H2BC18: variants seen among roughly 807,000 people sequenced by gnomAD.
The protein encoded by H2BC18 is histone H2B type 2-F.
In H2BC18, 8 loss-of-function variants were observed where a neutral mutation model predicts 6.3. That is an observed-to-expected ratio of 1.28 (90% CI 0.75 to 2.31). H2BC18 has a LOEUF of 2.31. Among genes scored for constraint, H2BC18 ranks in the 30% most tolerant of loss-of-function variants. The pLI, the probability that H2BC18 is intolerant of heterozygous loss-of-function variation, is 0.00. For synonymous variants in H2BC18, 104 were observed against 78.1 expected (o/e 1.33, Z -1.75); for missense variants, 106 against 174.5 (o/e 0.61, Z 2.21).
At chr1:149,796,046 T>C (rs1213816674) in intron 1 of H2BC18, among the ~76,000 whole-genome samples, 1 of 151,902 alleles carries the variant, frequency 6.6e-6, no homozygotes, top group Non-Finnish European at 1.5e-5. Flanking sequence ...TCTTTGTTAA[T>C]GCACATTGGC....
chr1:149,785,470 G>A (rs2091522988), intron 1 of H2BC18, among the ~76,000 whole-genome samples: 1 of 127,808 alleles, frequency 7.8e-6, no homozygotes, highest in African/African-American at 2.9e-5. Context: ...AGGCTGGAAT[G>A]CAGTGGTGTG....
chr1:149,805,201 G>T (rs1437365691), intron 1 of H2BC18: 1 of 151,912 alleles, frequency 6.6e-6, no homozygotes, highest in Admixed American at 6.6e-5. Context: ...CCTTGAAAAT[G>T]GTGACAGCAA....
intron 1 of H2BC18, among the ~76,000 whole-genome samples, chr1:149,804,608 C>T (rs2091901432): frequency 6.6e-6 from 1 of 151,756 alleles, no homozygotes; most frequent in Admixed American, 6.6e-5. Context: ...CTAACCATAA[C>T]AATAATAAGA....
intron 1 of H2BC18, among the ~76,000 whole-genome samples, chr1:149,790,656 AC>A (rs1468060097): frequency 8.4e-6 from 1 of 118,670 alleles, no homozygotes; most frequent in East Asian, 2.3e-4. Flanking sequence ...CCACTCCATG[AC>A]CCCCCCTTCT....
At chr1:149,797,770 G>A (rs2091816829) in intron 1 of H2BC18, among the ~76,000 whole-genome samples, 1 of 151,716 alleles carries the variant, frequency 6.6e-6, no homozygotes, top group Non-Finnish European at 1.5e-5. Flanking sequence ...GCTAATTTTT[G>A]TATCTGTTGG....
intron 1 of H2BC18, among the ~76,000 whole-genome samples, chr1:149,806,314 C>T (rs1553753858): frequency 1.3e-5 from 2 of 152,056 alleles, no homozygotes; most frequent in African/African-American, 4.8e-5. Context: ...TATGAGAGGC[C>T]GGGCGCACTG....
chr1:149,788,651 C>A (rs368574894), intron 1 of H2BC18: 2 of 1,613,384 alleles, frequency 1.2e-6, no homozygotes, highest in Non-Finnish European at 1.7e-6. Flanking sequence ...AACTGATAGT[C>A]CCTCCCCCTG....
At chr1:149,801,968 C>A (rs1211835012) in intron 1 of H2BC18, among the ~76,000 whole-genome samples, 2 of 151,774 alleles carry the variant, frequency 1.3e-5, no homozygotes, top group Non-Finnish European at 2.9e-5. Flanking sequence ...TCATAAACAC[C>A]ATGAAATAAA....
chr1:149,798,559 C>G (rs606571), intron 1 of H2BC18, among the ~76,000 whole-genome samples: 3 of 151,364 alleles, frequency 2.0e-5, no homozygotes, highest in Non-Finnish European at 4.4e-5. Flanking sequence ...GGAGCACTAC[C>G]TTTATGAATA....
chr1:149,810,228 C>T (rs587708949), downstream of H2BC18, among the ~76,000 whole-genome samples: 6 of 152,094 alleles, frequency 3.9e-5, no homozygotes, highest in South Asian at 1.2e-3. Context: ...TAGACCACCT[C>T]GGCCGTCTCA....
chr1:149,791,397 G>A, intron 1 of H2BC18: 1 of 1,595,742 alleles, frequency 6.3e-7, no homozygotes, highest in South Asian at 1.1e-5. Context: ...GTCATGAGAA[G>A]AAGGTAATTT....
At chr1:149,806,566 C>A (rs587637797) in intron 1 of H2BC18, among the ~76,000 whole-genome samples, 4 of 149,786 alleles carry the variant, frequency 2.7e-5, no homozygotes, top group East Asian at 2.0e-4. Context: ...CCAGCCTGGA[C>A]AACAGAGCGA....
At chr1:149,785,170 T>C (rs1238221281) in intron 1 of H2BC18, among the ~76,000 whole-genome samples, 4 of 152,164 alleles carry the variant, frequency 2.6e-5, no homozygotes, top group Non-Finnish European at 4.4e-5. Context: ...AAATGTATTA[T>C]TTAGTTATTC....
rs373268608 is a variant in H2BC18, at chr1:149,812,338, A to T, written c.-15T>A. 2.9e-5 allele frequency: 47 copies of T among 1,614,064 alleles called. No individual in the cohort carries two copies. In the African/African-American group the frequency reaches 5.3e-4, roughly 18 times the overall value. On this transcript the variant is annotated 5_prime_UTR_variant, in exon 1 of 1. Coordinates refer to ENST00000369167, the MANE Select transcript of H2BC18 (RefSeq NM_001024599.5). Reference sequence around the variant, plus strand: ...GGATCCGGCATTTTTGCGCGAAAAAAGAGAAAAGAGACTTAAAGAAGTAAT... The same window carrying T: ...GGATCCGGCATTTTTGCGCGAAAAATGAGAAAAGAGACTTAAAGAAGTAAT...
chr1:149,798,481 G>T (rs1571410112), intron 1 of H2BC18, among the ~76,000 whole-genome samples: 6 of 152,090 alleles, frequency 3.9e-5, no homozygotes, highest in Admixed American at 3.9e-4. Context: ...CACTGTGATT[G>T]TTGACTTATA....
At chr1:149,789,998 G>T in intron 1 of H2BC18, 1 of 1,613,250 alleles carries the variant, frequency 6.2e-7, no homozygotes, top group South Asian at 1.1e-5. Flanking sequence ...TGTCTTTTGT[G>T]AAAAGGACCT....
intron 1 of H2BC18, chr1:149,790,175 C>G: frequency 3.1e-6 from 5 of 1,613,996 alleles, no homozygotes; most frequent in Non-Finnish European, 4.2e-6. Flanking sequence ...AGCTTTACTT[C>G]TCCTTCTACA....
At chr1:149,803,743 A>C (rs2091893458) in intron 1 of H2BC18, 1 of 152,360 alleles carries the variant, frequency 6.6e-6, no homozygotes, top group South Asian at 2.1e-4. Flanking sequence ...GATAGTCTCT[A>C]GATTCTTGTG....
intron 1 of H2BC18, chr1:149,791,153 C>T: frequency 1.2e-6 from 2 of 1,602,826 alleles, no homozygotes; most frequent in Non-Finnish European, 1.7e-6. Flanking sequence ...CAGGTCTCAG[C>T]CAACCTTCCC....
Sources: allele counts gnomAD v4.1 joint callset (sites outside exome capture counted in the v4.1 genomes callset), GRCh38; gene constraint gnomAD v4.1.1; transcripts MANE v1.5; gene names NCBI Gene and HGNC (gene_info 2026-07-23, HGNC 2026-07-21).